The following PLCD4 variants were observed in gnomAD, a reference collection of about 807,000 sequenced individuals.
PLCD4 encodes phospholipase C delta 4, also known as 1-phosphatidylinositol 4,5-bisphosphate phosphodiesterase delta-4.
PLCD4 carries 63 observed loss-of-function variants against 90.2 expected under a neutral mutation model. The observed-to-expected ratio is 0.70, with a 90% CI of 0.57 to 0.86. PLCD4 has a LOEUF of 0.86. Among genes scored for constraint, PLCD4 ranks in the 40% least tolerant of loss-of-function variants. PLCD4 has a pLI of 0.00. For synonymous variants in PLCD4, 294 were observed against 356.5 expected, an observed-to-expected ratio of 0.82 and a Z score of 1.97; for missense variants, 830 against 956.3, an observed-to-expected ratio of 0.87 and a Z score of 1.74.
In PLCD4 at chr2:218,635,896, C is replaced by T. The variant is rs1696709914; in HGVS notation, c.1997C>T (p.Thr666Ile). 6.2e-7 allele frequency: 1 copy of T among 1,613,990 alleles called. No homozygotes were observed. Among genetic ancestry groups the T allele is most frequent in the Non-Finnish European group, 8.5e-7 (1 of 1,179,908 alleles). ...CAGATCTTTGGCGTTCGTCTAGACA[C>T]AGCACGGCAGGAGACCAACTATGTG... ...KVQIFGVRLD[T>I]ARQETNYVEN... The change falls in exon 14 of 16, where the codon ACA becomes ATA. Residue 666 changes from threonine to isoleucine, a missense_variant. Transcript: ENST00000450993.
At chr2:218,618,434 C>T (rs1302279267) in intron 3 of PLCD4, 145 bp from the exon 4 acceptor site, 6 of 676,556 alleles carry the variant, frequency 8.9e-6, no homozygotes, top group Non-Finnish European at 2.5e-6. Context: ...TCTCTCTGTA[C>T]TAATGCTTTT....
chr2:218,617,538 T>C (rs900292047), intron 3 of PLCD4, among the ~76,000 whole-genome samples: 1 of 150,704 alleles, frequency 6.6e-6, no homozygotes, highest in African/African-American at 2.4e-5. Flanking sequence ...GATTGTGCCA[T>C]TGCACTCCAG....
intron 6 of PLCD4, among the ~76,000 whole-genome samples, chr2:218,626,011 T>C (rs1383441378): frequency 6.6e-6 from 1 of 151,646 alleles, no homozygotes. Context: ...GCCTATAATA[T>C]GGGAGGGTGA....
chr2:218,618,676 T>C lies in PLCD4; in HGVS notation c.279T>C (p.Ile93=). ...TCCCCCTGGAGCAGGGCTTCACCATTGTCTTCCATGGCCGCCGCTCCAACC... is the reference window on the plus strand; with the variant it reads ...TCCCCCTGGAGCAGGGCTTCACCATCGTCTTCCATGGCCGCCGCTCCAACC... ...EELPLEQGFT[I]VFHGRRSNLD... The change falls in exon 4 of 16, where the codon ATT becomes ATC. Residue 93 remains isoleucine, a synonymous_variant. Transcript: ENST00000450993. 6.2e-7 allele frequency: 1 copy of C among 1,613,912 alleles called. No individual in the cohort carries two copies. The highest frequency in any genetic ancestry group is 8.5e-7 in the Non-Finnish European group (1 of 1,179,862).
chr2:218,614,501 G>A (rs1695492307), intron 1 of PLCD4, among the ~76,000 whole-genome samples: 1 of 151,284 alleles, frequency 6.6e-6, no homozygotes, highest in South Asian at 2.1e-4. Context: ...CCAGGCTGGA[G>A]TGCATGGCAC....
At chr2:218,611,759 C>T (rs71415847) in intron 1 of PLCD4, among the ~76,000 whole-genome samples, 2 of 151,414 alleles carry the variant, frequency 1.3e-5, no homozygotes, top group South Asian at 4.2e-4. Context: ...CCACCACAGC[C>T]GGCTACTTTT....
intron 1 of PLCD4, among the ~76,000 whole-genome samples, chr2:218,611,112 C>G (rs1196919362): frequency 3.3e-5 from 5 of 152,134 alleles, no homozygotes; most frequent in Non-Finnish European, 7.3e-5. Flanking sequence ...CCTTTCTAGT[C>G]CTCGGGCTCC....
rs754421054 is a variant in PLCD4, at chr2:218,615,952, T to C, written c.71T>C (p.Met24Thr). Reference protein sequence around the residue: ...DLLLMQEGMPMRKVRSKSWKK... With the variant: ...DLLLMQEGMPTRKVRSKSWKK... ...CTGCTGATGCAGGAAGGCATGCCGATGCGCAAGGTGAGGTCCAAAAGCTGG... is the reference window on the plus strand; with the variant it reads ...CTGCTGATGCAGGAAGGCATGCCGACGCGCAAGGTGAGGTCCAAAAGCTGG... The change falls in exon 3 of 16, where the codon ATG (methionine) becomes ACG (threonine). Residue 24 changes from methionine to threonine, a missense_variant. Coordinates refer to ENST00000450993, the MANE Select transcript of PLCD4 (RefSeq NM_032726.4). 1.9e-6 allele frequency: 3 copies of C among 1,614,020 alleles called. No individual in the cohort carries two copies. Among genetic ancestry groups the C allele is most frequent in the African/African-American group, 1.3e-5 (1 of 75,044 alleles).
At chr2:218,617,470 G>A (rs1481320391) in intron 3 of PLCD4, among the ~76,000 whole-genome samples, 5 of 150,616 alleles carry the variant, frequency 3.3e-5, no homozygotes, top group Admixed American at 2.6e-4. Flanking sequence ...CCAGCTACTC[G>A]GAAGGCTGAG....
At chr2:218,633,359 C>A in intron 10 of PLCD4, 2 of 703,620 alleles carry the variant, frequency 2.8e-6, no homozygotes, top group Non-Finnish European at 5.2e-6. Context: ...ACATGCAGAC[C>A]GCCTTTATTC....
chr2:218,616,960 A>AGAGAGAGAGAGAGAGAT lies in PLCD4; in HGVS notation c.181+914_181+915insTGAGAGAGAGAGAGAGA, dbSNP rs1695636320. 3.0e-4 allele frequency among the ~76,000 whole-genome samples: 28 copies of AGAGAGAGAGAGAGAGAT among 92,650 alleles called. 1 individual carries two copies. The highest frequency in any genetic ancestry group is 1.0e-3 in the African/African-American group (23 of 22,982). 60.8% of individuals were successfully genotyped at this position (92,650 alleles called of 152,430 possible). On this transcript the variant is annotated intron_variant, in intron 3 of 15. Transcript: ENST00000450993. ...GAGAGAGAGAGAGAGAGAGAGAGAG[A>AGAGAGAGAGAGAGAGAT]GAGAGAGAGAGAGAGAGAGAGAGAG...
In PLCD4 at chr2:218,634,686, G is replaced by C; in HGVS notation, c.1896+56G>C. 1 of 1,582,284 alleles carries C rather than the reference G, an allele frequency of 6.3e-7. No individual in the cohort carries two copies. Among genetic ancestry groups the C allele is most frequent in the South Asian group, 1.1e-5 (1 of 87,808 alleles). ...CTGAGATAACTGGGATAGAAGTGAG[G>C]GAAGAGGTGGCTAGGCCTGACCGGA... On this transcript the variant is annotated intron_variant, in intron 13 of 15. Coordinates refer to ENST00000450993, the MANE Select transcript of PLCD4 (RefSeq NM_032726.4). This position sits in a 1 kb window ranked among gnomAD's most constrained non-coding sequence, Gnocchi z 4.0.
intron 5 of PLCD4, among the ~76,000 whole-genome samples, 198 bp downstream of exon 5, chr2:218,621,797 C>T (rs550758057): frequency 3.9e-5 from 6 of 152,006 alleles, no homozygotes; most frequent in South Asian, 2.1e-4. Flanking sequence ...AGTCATAATT[C>T]GGCCGGGCGC....
At chr2:218,623,464 G>A (rs991010107) in intron 6 of PLCD4, among the ~76,000 whole-genome samples, 2 of 152,152 alleles carry the variant, frequency 1.3e-5, no homozygotes, top group Admixed American at 1.3e-4. Context: ...GTTCTTCAAA[G>A]TTTCTTCCTC....
At position 218,636,358 on chromosome 2, in the gene PLCD4, T is replaced by G. The variant is rs1696747727; in HGVS notation, c.2148T>G (p.Gly716=). ...YDWKSRNDFI[G]QYTLPWTCMQ... The stretch of plus-strand genomic sequence containing the variant: ...GGAAATCCCGAAATGACTTTATTGG[T>G]CAGTACACCCTGCCTTGGACCTGCA... The change falls in exon 15 of 16, where the codon GGT becomes GGG. Residue 716 remains glycine, a synonymous_variant. Transcript: ENST00000450993. The G allele has an allele frequency of 6.2e-7, 1 of 1,614,002 alleles. No individual in the cohort carries two copies. Among genetic ancestry groups the G allele is most frequent in the East Asian group, 2.2e-5 (1 of 44,880 alleles).
At chr2:218,614,193 G>C (rs1482851521) in intron 1 of PLCD4, among the ~76,000 whole-genome samples, 3 of 151,270 alleles carry the variant, frequency 2.0e-5, no homozygotes, top group African/African-American at 4.9e-5. Flanking sequence ...CTAATTTTTT[G>C]TATTTTTAGT....
At chr2:218,631,766 C>T (rs1202912497) in intron 9 of PLCD4, among the ~76,000 whole-genome samples, 13 of 147,538 alleles carry the variant, frequency 8.8e-5, no homozygotes, top group East Asian at 4.0e-4. Flanking sequence ...CACTCCAGCC[C>T]GGGCGACAGT....
chr2:218,629,494 C>T, intron 7 of PLCD4, 25 bp from the exon 8 acceptor site: 1 of 1,610,498 alleles, frequency 6.2e-7, no homozygotes. Flanking sequence ...TCTCCTATTT[C>T]TCGGTGGGGA....
At position 218,616,018 on chromosome 2, in the gene PLCD4, C is replaced by T. The variant is rs370003707; in HGVS notation, c.137C>T (p.Thr46Ile). The change falls in exon 3 of 16, where the codon ACA becomes ATA. Residue 46 changes from threonine (T) to isoleucine (I), a missense_variant. Physicochemically the swap from Thr to Ile is moderately conservative, Grantham distance 89. Transcript: ENST00000450993. Reference protein sequence around the residue: ...RYFRLQNDGMTVWHARQARGS... With the variant: ...RYFRLQNDGMIVWHARQARGS... ...TTCAGACTTCAGAATGACGGCATGA[C>T]AGTCTGGCATGCACGGCAGGCCAGG... 3 of 1,614,020 alleles carry T rather than the reference C, an allele frequency of 1.9e-6. No individual in the cohort carries two copies. The South Asian group carries it at 3.3e-5, about 18-fold the overall frequency.
Sources: gnomAD v4.1 joint callset for allele counts (sites outside exome capture counted in the v4.1 genomes callset) on GRCh38, gnomAD v4.1.1 for gene constraint, Gnocchi (gnomAD v3.1) non-coding constraint, MANE v1.5 for transcripts, NCBI Gene and HGNC (gene_info 2026-07-23, HGNC 2026-07-21) for gene names.